PDE7B: variants seen among roughly 807,000 people sequenced by gnomAD.
PDE7B encodes 3',5'-cyclic-AMP phosphodiesterase 7B.
A neutral mutation model predicts 56.2 loss-of-function variants in PDE7B; 29 were observed. That is an observed-to-expected ratio of 0.52 (90% CI 0.38 to 0.70). PDE7B has a LOEUF of 0.70. Ranked by LOEUF, PDE7B falls within the 30% of genes least tolerant of loss-of-function variation. The pLI, the probability that PDE7B is intolerant of heterozygous loss-of-function variation, is 0.00. For synonymous variants in PDE7B, 197 were observed against 196.9 expected (o/e 1.00, Z 0.00); for missense variants, 490 against 565.0 (o/e 0.87, Z 1.35).
In PDE7B at chr6:135,896,754, C is replaced by G. The variant is rs1175287480; in HGVS notation, c.21+44735C>G. 2.0e-5 allele frequency among the ~76,000 whole-genome samples: 3 copies of G among 152,104 alleles called. No homozygotes were observed. The East Asian group carries it at 5.8e-4, about 29-fold the overall frequency. On this transcript the variant is annotated intron_variant, in intron 1 of 12. Transcript: ENST00000308191. ...GCTCCCAAGTCAATGTTCAACGCAC[C>G]AAACCTTAGACTACCCAACAGATCT...
At chr6:135,886,349 C>A (rs559362152) in intron 1 of PDE7B, among the ~76,000 whole-genome samples, 1 of 152,150 alleles carries the variant, frequency 6.6e-6, no homozygotes, top group African/African-American at 2.4e-5. Flanking sequence ...CTTTTTCCTA[C>A]CTTTTTTCCC....
At chr6:136,040,445 C>G (rs1395187382) in intron 2 of PDE7B, among the ~76,000 whole-genome samples, 1 of 152,174 alleles carries the variant, frequency 6.6e-6, no homozygotes, top group Non-Finnish European at 1.5e-5. Flanking sequence ...TGTCTCTTAC[C>G]TTCTTCCTTA....
At chr6:135,909,645 CT>C (rs1305564388) in intron 1 of PDE7B, among the ~76,000 whole-genome samples, 3 of 152,010 alleles carry the variant, frequency 2.0e-5, no homozygotes, top group African/African-American at 7.2e-5. Context: ...TAAATATTCT[CT>C]TTGTATGATA....
intron 1 of PDE7B, among the ~76,000 whole-genome samples, chr6:135,902,797 A>G (rs1239534949): frequency 6.6e-6 from 1 of 152,188 alleles, no homozygotes; most frequent in East Asian, 1.9e-4. Context: ...TTCTGTTACT[A>G]TGACTAGAAG....
intron 12 of PDE7B, among the ~76,000 whole-genome samples, chr6:136,190,986 G>A (rs1433115954): frequency 2.2e-5 from 3 of 138,736 alleles, no homozygotes; most frequent in African/African-American, 9.2e-5. Context: ...TCCCTTCTCC[G>A]CCTGCCTTCT....
intron 1 of PDE7B, among the ~76,000 whole-genome samples, chr6:135,910,816 CT>C (rs1349901672): frequency 6.6e-6 from 1 of 152,072 alleles, no homozygotes; most frequent in African/African-American, 2.4e-5. Context: ...AATTTTTAAA[CT>C]TTTTTTATTG....
chr6:135,963,711 TA>T (rs201990374), intron 2 of PDE7B, among the ~76,000 whole-genome samples: 4 of 142,056 alleles, frequency 2.8e-5, no homozygotes, highest in Non-Finnish European at 6.2e-5. Context: ...TAACTTTTTT[TA>T]AAAAAACATG....
chr6:135,855,415 G>A (rs868829260), intron 1 of PDE7B, among the ~76,000 whole-genome samples: 1 of 152,134 alleles, frequency 6.6e-6, no homozygotes, highest in African/African-American at 2.4e-5. Context: ...GGAGAAGTCT[G>A]AGAAGGAGGC....
At position 136,192,195 on chromosome 6, in the gene PDE7B, G is replaced by T. The variant is rs577683596; in HGVS notation, c.*355G>T. ...GGAACAGGCAGCAATTCCTAAGTCC[G>T]GAGCGTTTGAGCGTTTGCTATCTGA... On this transcript the variant is annotated 3_prime_UTR_variant, in exon 13 of 13. Coordinates refer to ENST00000308191, the MANE Select transcript of PDE7B (RefSeq NM_018945.4). The T allele has an allele frequency of 6.5e-5, 19 of 294,520 alleles. No individual in the cohort carries two copies. Among genetic ancestry groups the T allele is most frequent in the Admixed American group, 5.3e-4 (11 of 20,802 alleles). The allele number at this position is 294,520 out of a possible 1,614,324, so 18.2% of individuals were successfully genotyped here.
At chr6:135,963,961 C>G (rs1437678524) in intron 2 of PDE7B, among the ~76,000 whole-genome samples, 1 of 152,118 alleles carries the variant, frequency 6.6e-6, no homozygotes, top group Non-Finnish European at 1.5e-5. Flanking sequence ...GGGACAGCAT[C>G]CTGTTGTAGA....
chr6:136,116,629 A>G (rs1777835477), intron 3 of PDE7B, among the ~76,000 whole-genome samples: 1 of 152,226 alleles, frequency 6.6e-6, no homozygotes, highest in Non-Finnish European at 1.5e-5. Context: ...CAGAAAAGTT[A>G]GAGGATGAGT....
intron 2 of PDE7B, among the ~76,000 whole-genome samples, chr6:135,953,887 C>T (rs1469229918): frequency 6.6e-6 from 1 of 152,138 alleles, no homozygotes; most frequent in Non-Finnish European, 1.5e-5. Flanking sequence ...GGTTAGAATG[C>T]CTCAGGAATT....
At chr6:136,059,478 G>T (rs140939456) in intron 2 of PDE7B, among the ~76,000 whole-genome samples, 15 of 152,320 alleles carry the variant, frequency 9.8e-5, no homozygotes, top group African/African-American at 3.6e-4. Flanking sequence ...ATGCTGTGGA[G>T]ATCTGAGCTG....
intron 2 of PDE7B, chr6:136,037,330 G>A (rs753362242): frequency 8.4e-5 from 62 of 740,672 alleles, no homozygotes; most frequent in Non-Finnish European, 1.0e-4. Flanking sequence ...GGAGTTAACT[G>A]TGGAATGTGA....
chr6:135,950,385 C>A (rs927135959), intron 2 of PDE7B, among the ~76,000 whole-genome samples: 5 of 152,230 alleles, frequency 3.3e-5, no homozygotes, highest in Admixed American at 6.5e-5. Flanking sequence ...ACATCTCACA[C>A]AAGAAAGTAT....
chr6:136,018,019 T>A (rs547207600), intron 2 of PDE7B, among the ~76,000 whole-genome samples: 1 of 152,180 alleles, frequency 6.6e-6, no homozygotes, highest in African/African-American at 2.4e-5. Context: ...GGGACTATGA[T>A]GGTAGTGGAT....
intron 1 of PDE7B, among the ~76,000 whole-genome samples, chr6:135,916,392 CTTTTT>C (rs566408380): frequency 2.1e-5 from 2 of 96,342 alleles, no homozygotes; most frequent in African/African-American, 8.3e-5. Flanking sequence ...TCTTTTCTTT[CTTTTT>C]TTTTTTTTTT....
At chr6:136,122,692 T>C (rs1024536612) in intron 3 of PDE7B, among the ~76,000 whole-genome samples, 1 of 152,258 alleles carries the variant, frequency 6.6e-6, no homozygotes, top group African/African-American at 2.4e-5. Context: ...AAGCACTTTA[T>C]ATGTATAACA....
chr6:136,078,649 A>G (rs957439236), intron 2 of PDE7B, among the ~76,000 whole-genome samples: 2 of 152,072 alleles, frequency 1.3e-5, no homozygotes, highest in African/African-American at 4.8e-5. Context: ...GGATTTTTTG[A>G]TTAGCAGAAG....
Sources: allele counts gnomAD v4.1 joint callset (sites outside exome capture counted in the v4.1 genomes callset), GRCh38; gene constraint gnomAD v4.1.1; transcripts MANE v1.5; gene names NCBI Gene and HGNC (gene_info 2026-07-23, HGNC 2026-07-21).